KCNH5: variants seen among roughly 807,000 people sequenced by gnomAD.
The protein encoded by KCNH5 is potassium voltage-gated channel subfamily H member 5.
In KCNH5, 46 loss-of-function variants were observed where a neutral mutation model predicts 96.1. The ratio of observed to expected loss-of-function variants is 0.48; its 90% CI spans 0.38 to 0.61. The LOEUF is 0.61. Among genes scored for constraint, KCNH5 ranks in the 20% least tolerant of loss-of-function variants. The probability of loss-of-function intolerance (pLI) is 0.00; values close to 1 mark genes in which losing one functional copy is unlikely to be tolerated. For missense variants in KCNH5, 907 were observed against 1,225.8 expected (o/e 0.74, Z 3.88); for synonymous variants, 439 against 449.8 (o/e 0.98, Z 0.30).
At chr14:62,956,271 T>C (rs1262423123) in intron 6 of KCNH5, among the ~76,000 whole-genome samples, 4 of 152,152 alleles carry the variant, frequency 2.6e-5, no homozygotes, top group Non-Finnish European at 1.5e-5. Context: ...ATATACTGTA[T>C]GATTCCATTT....
At chr14:62,792,653 C>T (rs548654837) in intron 9 of KCNH5, among the ~76,000 whole-genome samples, 34 of 151,674 alleles carry the variant, frequency 2.2e-4, no homozygotes, top group African/African-American at 7.5e-4. Context: ...CGATATCGTT[C>T]ATATTATAAC....
At chr14:62,934,875 G>A (rs1158810653) in intron 7 of KCNH5, among the ~76,000 whole-genome samples, 1 of 152,060 alleles carries the variant, frequency 6.6e-6, no homozygotes, top group Non-Finnish European at 1.5e-5. Flanking sequence ...GGGGGTGGGT[G>A]GCAGTGAAAC....
chr14:62,894,426 G>A (rs752963284), intron 7 of KCNH5, among the ~76,000 whole-genome samples: 16 of 152,108 alleles, frequency 1.1e-4, no homozygotes, highest in Non-Finnish European at 2.2e-4. Context: ...CAATTTAAGT[G>A]TTTTCTTTTA....
chr14:62,843,262 A>AT (rs1887621963), intron 8 of KCNH5, among the ~76,000 whole-genome samples: 1 of 152,138 alleles, frequency 6.6e-6, no homozygotes, highest in African/African-American at 2.4e-5. Flanking sequence ...GTTGAACACA[A>AT]TATCCAAACA....
At chr14:62,946,395 C>T (rs1170907780) in intron 7 of KCNH5, among the ~76,000 whole-genome samples, 3 of 152,126 alleles carry the variant, frequency 2.0e-5, no homozygotes, top group South Asian at 4.1e-4. Flanking sequence ...ATTGAACATA[C>T]ACTTATCACA....
chr14:62,982,174 C>T (rs1253611058), intron 5 of KCNH5, among the ~76,000 whole-genome samples: 2 of 152,048 alleles, frequency 1.3e-5, no homozygotes, highest in Non-Finnish European at 2.9e-5. Context: ...ACTAAAAATA[C>T]AAATATTAGA....
chr14:63,010,598 T>G (rs1303248076), intron 2 of KCNH5, among the ~76,000 whole-genome samples: 1 of 152,166 alleles, frequency 6.6e-6, no homozygotes, highest in African/African-American at 2.4e-5. Flanking sequence ...ATCTTGGGAA[T>G]AAGGGATAAG....
chr14:62,950,250 A>T lies in KCNH5; in HGVS notation c.1252T>A (p.Leu418Met). 6.2e-7 allele frequency: 1 copy of T among 1,614,044 alleles called. No homozygotes were observed. Among genetic ancestry groups the T allele is most frequent in the Non-Finnish European group, 8.5e-7 (1 of 1,179,948 alleles). Residue 418 changes from leucine (L) to methionine (M), a missense_variant, in exon 7 of 11, where the codon TTG (leucine) becomes ATG (methionine). Physicochemically the swap from Leu to Met is conservative, Grantham distance 15. This residue lies in a region of KCNH5 where 370 missense variants were observed against 561.3 expected (regional missense o/e 0.66). Transcript: ENST00000322893. ...IWEGGPSKDS[L>M]YVSSLYFTMT... The stretch of plus-strand genomic sequence containing the variant: ...GTAAAGTAGAGAGAGGACACGTACA[A>T]TGAATCCTTGCTGGGTCCTCCTTCC...
intron 7 of KCNH5, among the ~76,000 whole-genome samples, chr14:62,876,160 C>G (rs1361300401): frequency 6.6e-6 from 1 of 152,106 alleles, no homozygotes; most frequent in Non-Finnish European, 1.5e-5. Flanking sequence ...GAGTGAGACT[C>G]TGTCTAAAAA....
intron 8 of KCNH5, among the ~76,000 whole-genome samples, chr14:62,806,308 T>A (rs1886765728): frequency 6.6e-6 from 1 of 152,150 alleles, no homozygotes; most frequent in African/African-American, 2.4e-5. Context: ...TCCTTTACTT[T>A]CTTAATAAAC....
At chr14:62,988,247 T>G (rs1004593465) in intron 4 of KCNH5, among the ~76,000 whole-genome samples, 5 of 152,090 alleles carry the variant, frequency 3.3e-5, no homozygotes, top group African/African-American at 1.2e-4. Context: ...ATTAAAAAAT[T>G]TTATTAACAC....
At chr14:62,839,648 A>G (rs1241012147) in intron 8 of KCNH5, among the ~76,000 whole-genome samples, 1 of 152,224 alleles carries the variant, frequency 6.6e-6, no homozygotes, top group Non-Finnish European at 1.5e-5. Context: ...CATCATGACT[A>G]TTCAGTGGAA....
chr14:63,023,992 G>T (rs1353177993), intron 1 of KCNH5, among the ~76,000 whole-genome samples: 3 of 152,030 alleles, frequency 2.0e-5, no homozygotes, highest in Non-Finnish European at 4.4e-5. Flanking sequence ...GGCAAATCAT[G>T]AGGTCAGGCA....
intron 1 of KCNH5, among the ~76,000 whole-genome samples, chr14:63,018,113 A>G (rs559167825): frequency 6.6e-6 from 1 of 152,146 alleles, no homozygotes; most frequent in African/African-American, 2.4e-5. Context: ...ATCTGTTTGA[A>G]GCCACTAGGA....
intron 10 of KCNH5, among the ~76,000 whole-genome samples, chr14:62,709,012 G>A (rs1296152034): frequency 2.0e-5 from 3 of 151,870 alleles, no homozygotes; most frequent in Non-Finnish European, 4.4e-5. Context: ...TTGGGAGGCC[G>A]AGGCGGGCGG....
chr14:63,034,931 T>A (rs1029711347), intron 1 of KCNH5, among the ~76,000 whole-genome samples: 11 of 152,234 alleles, frequency 7.2e-5, no homozygotes, highest in Non-Finnish European at 1.5e-4. Flanking sequence ...TTCTAAAATG[T>A]AAACTGGTCA....
At chr14:63,020,886 T>C (rs1956505367) in intron 1 of KCNH5, among the ~76,000 whole-genome samples, 1 of 152,172 alleles carries the variant, frequency 6.6e-6, no homozygotes, top group Admixed American at 6.5e-5. Flanking sequence ...TTAACCTTAG[T>C]TATGAGGATG....
intron 7 of KCNH5, among the ~76,000 whole-genome samples, chr14:62,868,130 C>T (rs772391676): frequency 5.3e-5 from 8 of 152,210 alleles, no homozygotes; most frequent in East Asian, 1.9e-4. Context: ...GGGGTAAATC[C>T]TGACCCTCTA....
chr14:62,983,924 T>G (rs1182371346), intron 5 of KCNH5, among the ~76,000 whole-genome samples: 1 of 151,406 alleles, frequency 6.6e-6, no homozygotes, highest in Non-Finnish European at 1.5e-5. Context: ...TCCAAAAAAA[T>G]GCAAGATGGG....
Sources: gnomAD v4.1 joint callset for allele counts (sites outside exome capture counted in the v4.1 genomes callset) on GRCh38, gnomAD v4.1.1 for gene constraint, gnomAD v4.1.1 regional missense constraint, MANE v1.5 for transcripts, NCBI Gene and HGNC (gene_info 2026-07-23, HGNC 2026-07-21) for gene names.